Variants in ZNF804B observed in about 807,000 individuals in gnomAD.
ZNF804B encodes zinc finger protein 804B.
In ZNF804B, 80 loss-of-function variants were observed where a neutral mutation model predicts 101.4. The ratio of observed to expected loss-of-function variants is 0.79; its 90% CI spans 0.66 to 0.95. The LOEUF (loss-of-function observed/expected upper bound fraction) is 0.95. ZNF804B is among the 40% of genes least tolerant of loss of function. ZNF804B has a pLI of 0.00. For synonymous variants in ZNF804B, 622 were observed against 558.8 expected, an observed-to-expected ratio of 1.11 and a Z score of -1.59; for missense variants, 1,673 against 1,561.9, an observed-to-expected ratio of 1.07 and a Z score of -1.20.
chr7:89,149,064 A>G (rs1247831115), intron 1 of ZNF804B, among the ~76,000 whole-genome samples: 3 of 152,024 alleles, frequency 2.0e-5, no homozygotes, highest in Admixed American at 6.6e-5. Flanking sequence ...AGAAGAAGGC[A>G]TCAGAAGGTT....
intron 1 of ZNF804B, among the ~76,000 whole-genome samples, chr7:89,131,713 T>C (rs988163034): frequency 2.6e-5 from 4 of 151,982 alleles, no homozygotes; most frequent in African/African-American, 9.7e-5. Context: ...TCTCAAAATG[T>C]CTTAAATAAA....
intron 1 of ZNF804B, among the ~76,000 whole-genome samples, chr7:88,879,215 T>C (rs1177464358): frequency 1.3e-5 from 2 of 152,174 alleles, no homozygotes; most frequent in Non-Finnish European, 2.9e-5. Context: ...AGTTAATGAC[T>C]TCTGTTCTGG....
chr7:88,826,547 A>G (rs1791053310), intron 1 of ZNF804B, among the ~76,000 whole-genome samples: 1 of 152,156 alleles, frequency 6.6e-6, no homozygotes, highest in Non-Finnish European at 1.5e-5. Context: ...GCTTTTAGAT[A>G]TAAATTCAAT....
At chr7:89,247,183 T>C (rs1390125484) in intron 2 of ZNF804B, among the ~76,000 whole-genome samples, 3 of 152,184 alleles carry the variant, frequency 2.0e-5, no homozygotes, top group Non-Finnish European at 4.4e-5. Flanking sequence ...GCCCAGTGGA[T>C]TCTCCTTTGA....
At chr7:89,164,694 A>G (rs1791115395) in intron 1 of ZNF804B, among the ~76,000 whole-genome samples, 1 of 152,092 alleles carries the variant, frequency 6.6e-6, no homozygotes, top group African/African-American at 2.4e-5. Context: ...TATCTTTACC[A>G]TTTTGATTAA....
intron 1 of ZNF804B, among the ~76,000 whole-genome samples, chr7:89,088,901 A>G (rs2116322755): frequency 6.6e-6 from 1 of 152,068 alleles, no homozygotes; most frequent in African/African-American, 2.4e-5. Context: ...AAGACTGAAC[A>G]GTCGTCCTGC....
intron 1 of ZNF804B, among the ~76,000 whole-genome samples, chr7:88,954,562 C>CCG (rs566108011): frequency 6.6e-6 from 1 of 151,368 alleles, no homozygotes; most frequent in South Asian, 2.1e-4. Context: ...CATGCCCCCC[C>CCG]CCCACCACGG....
At chr7:89,241,281 C>T (rs1261500111) in intron 2 of ZNF804B, among the ~76,000 whole-genome samples, 1 of 152,004 alleles carries the variant, frequency 6.6e-6, no homozygotes, top group Non-Finnish European at 1.5e-5. Flanking sequence ...TCCCAAGTTC[C>T]AGTACTTTTC....
rs1312153151 is a variant in ZNF804B at position 89,336,616 on chromosome 7, A to G, written c.3634A>G (p.Thr1212Ala). 13 of 1,613,862 alleles carry G rather than the reference A, an allele frequency of 8.1e-6. No individual in the cohort carries two copies. The highest frequency in any genetic ancestry group is 1.1e-5 in the Non-Finnish European group (13 of 1,179,968). ...QHTSITTIHH[T>A]FLQHFAVSAS... ...CACTTCTATCACCACCATCCACCAC[A>G]CGTTCCTGCAGCATTTTGCTGTTTC... Residue 1212 changes from threonine to alanine, a missense_variant, in exon 4 of 4, where the codon ACG becomes GCG. By Grantham distance (58) the Thr-to-Ala change is moderately conservative (BLOSUM62 0). Transcript: ENST00000333190.
intron 1 of ZNF804B, among the ~76,000 whole-genome samples, chr7:89,183,924 A>G (rs895680700): frequency 6.6e-6 from 1 of 152,174 alleles, no homozygotes; most frequent in Non-Finnish European, 1.5e-5. Context: ...CCTTAATTTC[A>G]GTCTTTTATA....
At chr7:89,162,236 TA>T in intron 1 of ZNF804B, among the ~76,000 whole-genome samples, 1 of 152,280 alleles carries the variant, frequency 6.6e-6, no homozygotes, top group East Asian at 1.9e-4. Context: ...TTACTTTTTT[TA>T]AAAACATTCA....
chr7:88,893,965 T>C (rs930329039), intron 1 of ZNF804B, among the ~76,000 whole-genome samples: 2 of 152,128 alleles, frequency 1.3e-5, no homozygotes, highest in Non-Finnish European at 2.9e-5. Flanking sequence ...AAATTTATTA[T>C]TAGCATGTAT....
chr7:89,159,135 G>A (rs1791020318), intron 1 of ZNF804B, among the ~76,000 whole-genome samples: 1 of 152,052 alleles, frequency 6.6e-6, no homozygotes. Context: ...CAATCTCCTG[G>A]ATGATTCTTT....
chr7:88,932,183 G>A (rs1792897620), intron 1 of ZNF804B, among the ~76,000 whole-genome samples: 1 of 151,776 alleles, frequency 6.6e-6, no homozygotes, highest in South Asian at 2.1e-4. Flanking sequence ...GTATTAAGCT[G>A]AGGGAAACTT....
At chr7:89,117,844 T>C (rs916212669) in intron 1 of ZNF804B, among the ~76,000 whole-genome samples, 2 of 152,176 alleles carry the variant, frequency 1.3e-5, no homozygotes, top group African/African-American at 4.8e-5. Context: ...TTAAAACTAT[T>C]CCAGAAAAGT....
intron 1 of ZNF804B, among the ~76,000 whole-genome samples, chr7:88,888,757 T>C (rs977088451): frequency 6.6e-6 from 1 of 152,164 alleles, no homozygotes; most frequent in Non-Finnish European, 1.5e-5. Context: ...TCCCTGACCC[T>C]GTTTTTTGTT....
At chr7:89,015,522 T>G (rs1178270039) in intron 1 of ZNF804B, among the ~76,000 whole-genome samples, 1 of 151,742 alleles carries the variant, frequency 6.6e-6, no homozygotes, top group Non-Finnish European at 1.5e-5. Context: ...GAGTGTAATG[T>G]TCCCCTTCCT....
chr7:89,196,576 A>G (rs1788556465), intron 1 of ZNF804B, among the ~76,000 whole-genome samples: 2 of 152,178 alleles, frequency 1.3e-5, no homozygotes, highest in South Asian at 4.1e-4. Context: ...CAAAGATTTC[A>G]TGAGAGAGAT....
chr7:89,317,384 A>T (rs187737782), intron 2 of ZNF804B, among the ~76,000 whole-genome samples: 15 of 152,334 alleles, frequency 9.8e-5, no homozygotes, highest in Non-Finnish European at 1.9e-4. Flanking sequence ...GAGCAGAAAA[A>T]TTGAGAGTGA....
Sources: allele counts gnomAD v4.1 joint callset (sites outside exome capture counted in the v4.1 genomes callset), GRCh38; gene constraint gnomAD v4.1.1; transcripts MANE v1.5; gene names NCBI Gene and HGNC (gene_info 2026-07-23, HGNC 2026-07-21).